The following TMEM255B variants were observed in gnomAD, a reference collection of about 807,000 sequenced individuals.
TMEM255B encodes the protein family with sequence similarity 70, member B.
In TMEM255B, 35 loss-of-function variants were observed where a neutral mutation model predicts 34.5. That is an observed-to-expected ratio of 1.01 (90% confidence interval 0.77 to 1.34). The LOEUF (loss-of-function observed/expected upper bound fraction) is 1.34. Ranked by LOEUF, TMEM255B falls within the 40% of genes most tolerant of loss-of-function variation. The pLI is 0.00. For missense variants in TMEM255B, 432 were observed against 433.2 expected (o/e 1.00, Z 0.02); for synonymous variants, 206 against 201.2 (o/e 1.02, Z -0.20).
At chr13:113,782,152 T>C (rs1041146435) in intron 3 of TMEM255B, among the ~76,000 whole-genome samples, 1 of 152,234 alleles carries the variant, frequency 6.6e-6, no homozygotes, top group African/African-American at 2.4e-5. Flanking sequence ...TTTACAACTT[T>C]TTAGTTTTGT....
chr13:113,799,479 C>T lies in TMEM255B; in HGVS notation c.423+60C>T, dbSNP rs374064264. 506 of 1,533,594 alleles carry T rather than the reference C, an allele frequency of 3.3e-4. 1 individual carries two copies. Among genetic ancestry groups the T allele is most frequent in the Non-Finnish European group, 2.1e-4 (235 of 1,109,012 alleles). 95.0% of individuals were successfully genotyped at this position (1,533,594 alleles called of 1,614,324 possible). On this transcript the variant is annotated intron_variant, in intron 5 of 8. Coordinates refer to ENST00000375353, the MANE Select transcript of TMEM255B (RefSeq NM_182614.4). ...CTCAGCTAACCCCGCCGACCCCACG[C>T]GGTTTTCCCTGCACATAGGCGTGGT...
chr13:113,792,972 C>G (rs994202219), intron 3 of TMEM255B, among the ~76,000 whole-genome samples: 2 of 152,230 alleles, frequency 1.3e-5, no homozygotes, highest in Non-Finnish European at 2.9e-5. Context: ...CTGGAGCGTC[C>G]GTGACACTCA....
At chr13:113,761,197 G>A in intron 1 of TMEM255B, 1 of 985,366 alleles carries the variant, frequency 1.0e-6, no homozygotes, top group African/African-American at 1.7e-5. Context: ...GGCGTTCCAG[G>A]TCCGGCTGGC....
At chr13:113,781,200 A>G (rs2050661538) in intron 3 of TMEM255B, among the ~76,000 whole-genome samples, 1 of 152,222 alleles carries the variant, frequency 6.6e-6, no homozygotes, top group African/African-American at 2.4e-5. Context: ...TTTGTTAAAG[A>G]GCAGGCTAGT....
Position 113,806,892 on chromosome 13 carries a change from G to A in TMEM255B, c.813+1864G>A, listed in dbSNP as rs2051182862. Among the ~76,000 whole-genome samples the A allele has an allele frequency of 1.3e-5, 2 of 151,552 alleles. No homozygotes were observed. Among genetic ancestry groups the A allele is most frequent in the South Asian group, 2.1e-4 (1 of 4,788 alleles). ...CTGGGCCTGCAGGTGCTCCCCAAGC[G>A]GCTCTACACAGACACAGACTTGGAA... is the stretch of plus-strand genomic sequence containing the variant. On this transcript the variant is annotated intron_variant, in intron 8 of 8. Transcript: ENST00000375353. The surrounding 1 kb of genome is among the most constrained non-coding windows in gnomAD (Gnocchi z 4.2).
intron 3 of TMEM255B, among the ~76,000 whole-genome samples, 174 bp from the exon 4 acceptor site, chr13:113,794,974 C>T (rs550103428): frequency 5.3e-5 from 8 of 152,360 alleles, no homozygotes; most frequent in African/African-American, 1.4e-4. Context: ...GAGGACGACC[C>T]GCAGGGTGGA....
chr13:113,762,105 G>GAAAA (rs11290901), intron 1 of TMEM255B, among the ~76,000 whole-genome samples: 7,331 of 147,604 alleles, frequency 0.05, 247 homozygotes, highest in African/African-American at 0.088. Flanking sequence ...TCCGGGACAG[G>GAAAA]AAAAAAAAAA....
rs989528091 is a variant in TMEM255B, at chr13:113,814,418, A to G, written c.*2515A>G. Reference sequence around the variant, plus strand: ...TTTCCCGACTTTTAATCTTGTCTAGAGTCAAAAGCTGTTCAAAAATATTCA... The same window carrying G: ...TTTCCCGACTTTTAATCTTGTCTAGGGTCAAAAGCTGTTCAAAAATATTCA... On this transcript the variant is annotated 3_prime_UTR_variant, in exon 9 of 9. Transcript: ENST00000375353. The G allele has an allele frequency of 7.9e-5, 12 of 152,236 alleles. No homozygotes were observed. Among genetic ancestry groups the G allele is most frequent in the Non-Finnish European group, 1.6e-4 (11 of 68,040 alleles). 9.4% of individuals were successfully genotyped at this position (152,236 alleles called of 1,614,324 possible).
intron 8 of TMEM255B, among the ~76,000 whole-genome samples, chr13:113,807,627 G>GCAC (rs2051204872): frequency 7.1e-6 from 1 of 140,096 alleles, no homozygotes. Flanking sequence ...GATGTGGGGG[G>GCAC]TGGTCCTCCC....
chr13:113,801,539 C>T lies in TMEM255B; in HGVS notation c.510-114C>T, dbSNP rs2051060348. ...TGCAGGGATGGGCGTTGACTGGGCT[C>T]CAGCCCTGATTTCCTCCCCCAGCCC... On this transcript the variant is annotated intron_variant, in intron 6 of 8. Transcript: ENST00000375353. 6.4e-6 allele frequency: 8 copies of T among 1,259,682 alleles called. No individual in the cohort carries two copies. In the South Asian group the frequency reaches 1.3e-4, roughly 20 times the overall value. 78.0% of individuals were successfully genotyped at this position (1,259,682 alleles called of 1,614,324 possible).
chr13:113,771,131 A>G (rs1355905388), intron 3 of TMEM255B, among the ~76,000 whole-genome samples: 2 of 152,100 alleles, frequency 1.3e-5, no homozygotes, highest in African/African-American at 2.4e-5. Flanking sequence ...TCAGCAAGAA[A>G]CCCACACCCT....
At chr13:113,779,949 T>C (rs549199337) in intron 3 of TMEM255B, among the ~76,000 whole-genome samples, 2 of 152,390 alleles carry the variant, frequency 1.3e-5, no homozygotes, top group South Asian at 4.1e-4. Context: ...TATACTTGGC[T>C]TAATTATTTG....
At chr13:113,802,073 A>C (rs2051076598) in intron 7 of TMEM255B, among the ~76,000 whole-genome samples, 1 of 152,152 alleles carries the variant, frequency 6.6e-6, no homozygotes, top group Non-Finnish European at 1.5e-5. Flanking sequence ...CCCAAGAAAC[A>C]ATGTTCAGCT....
intron 3 of TMEM255B, among the ~76,000 whole-genome samples, chr13:113,791,132 C>T (rs1171977951): frequency 6.6e-6 from 1 of 152,204 alleles, no homozygotes; most frequent in Non-Finnish European, 1.5e-5. Context: ...GAACACCTCT[C>T]AACGGTCTGG....
rs187851352 is a variant in TMEM255B, at chr13:113,803,175, A to G, written c.669+1363A>G. On this transcript the variant is annotated intron_variant, in intron 7 of 8. Coordinates refer to ENST00000375353, the MANE Select transcript of TMEM255B (RefSeq NM_182614.4). ...TGTGTTCATTAAAGCCCGTGATAAA[A>G]TGCTGGAGTGCAGGATCAGGAACAG... 313 of 147,592 alleles carry G rather than the reference A, an allele frequency of 2.1e-3. 24 individuals are homozygous for G. The South Asian group carries it at 0.054, about 26-fold the overall frequency. The allele number at this position is 147,592 out of a possible 1,614,324, so 9.1% of individuals were successfully genotyped here.
rs1220505809 is a variant in TMEM255B at position 113,800,301 on chromosome 13, CTGTGTG to C, written c.424-490_424-485del. Among the ~76,000 whole-genome samples the C allele has an allele frequency of 2.9e-3, 278 of 97,064 alleles. 3 individuals carry two copies. Among genetic ancestry groups the C allele is most frequent in the South Asian group, 0.018 (42 of 2,396 alleles). 63.7% of individuals were successfully genotyped at this position (97,064 alleles called of 152,430 possible). A position where few individuals can be genotyped will look rare whatever the true frequency, so the allele number is the denominator to read the frequency against. ...GTGTGTGTGTCAGGGGAGGCGTCCTCTGTGTGTGTGTGTGTGTGTGTGTGTGTGTGT... is the reference window on the plus strand; with the variant it reads ...GTGTGTGTGTCAGGGGAGGCGTCCTCTGTGTGTGTGTGTGTGTGTGTGTGT... On this transcript the variant is annotated intron_variant, in intron 5 of 8. Coordinates refer to ENST00000375353, the MANE Select transcript of TMEM255B (RefSeq NM_182614.4).
chr13:113,810,232 A>G (rs371494989), intron 8 of TMEM255B, among the ~76,000 whole-genome samples: 157 of 152,258 alleles, frequency 1.0e-3, no homozygotes, highest in African/African-American at 3.6e-3. Flanking sequence ...AGGAGCACAG[A>G]GCACATCTGG....
intron 3 of TMEM255B, among the ~76,000 whole-genome samples, chr13:113,786,004 C>T (rs1275598260): frequency 1.3e-5 from 2 of 152,172 alleles, no homozygotes; most frequent in Non-Finnish European, 2.9e-5. Context: ...GCAAAGCACA[C>T]GAACATTCAC....
intron 8 of TMEM255B, among the ~76,000 whole-genome samples, chr13:113,810,252 G>T (rs1248490516): frequency 2.0e-5 from 3 of 152,150 alleles, no homozygotes; most frequent in Non-Finnish European, 2.9e-5. Context: ...GTAGCTTGGA[G>T]TTTGAAAAAC....
Sources: gnomAD v4.1 joint callset for allele counts (sites outside exome capture counted in the v4.1 genomes callset) on GRCh38, gnomAD v4.1.1 for gene constraint, Gnocchi (gnomAD v3.1) non-coding constraint, MANE v1.5 for transcripts, NCBI Gene and HGNC (gene_info 2026-07-23, HGNC 2026-07-21) for gene names.